The following CPQ variants were observed in gnomAD, a reference collection of about 807,000 sequenced individuals.
The protein encoded by CPQ is carboxypeptidase Q.
In CPQ, 37 loss-of-function variants were observed where a neutral mutation model predicts 45.7. The observed-to-expected ratio is 0.81, with a 90% CI of 0.62 to 1.07. The LOEUF (loss-of-function observed/expected upper bound fraction) is 1.07. CPQ is among the 50% of genes least tolerant of loss of function. CPQ has a pLI of 0.00. For missense variants in CPQ, 537 were observed against 572.9 expected, an observed-to-expected ratio of 0.94 and a Z score of 0.64; for synonymous variants, 186 against 205.8, an observed-to-expected ratio of 0.90 and a Z score of 0.82.
At chr8:96,661,266 C>G (rs1025521521) in intron 1 of CPQ, among the ~76,000 whole-genome samples, 4 of 152,104 alleles carry the variant, frequency 2.6e-5, no homozygotes, top group Non-Finnish European at 5.9e-5. Flanking sequence ...ATCCCATACA[C>G]TACCTGCCCC....
chr8:97,014,574 G>A (rs1390895731), intron 5 of CPQ, among the ~76,000 whole-genome samples: 1 of 150,926 alleles, frequency 6.6e-6, no homozygotes, highest in Non-Finnish European at 1.5e-5. Flanking sequence ...CCCAGGAGTC[G>A]GAGGTTGCAG....
At chr8:96,792,986 C>G (rs999313880) in intron 2 of CPQ, among the ~76,000 whole-genome samples, 14 of 152,094 alleles carry the variant, frequency 9.2e-5, no homozygotes, top group Non-Finnish European at 1.8e-4. Flanking sequence ...ACCATCAGAT[C>G]TTGTGAGAAT....
intron 4 of CPQ, among the ~76,000 whole-genome samples, chr8:96,936,745 GGGGAA>G (rs1354516496): frequency 2.0e-5 from 3 of 152,160 alleles, no homozygotes; most frequent in African/African-American, 7.2e-5. Flanking sequence ...GAATGAGACT[GGGGAA>G]GGGAGTATGG....
intron 4 of CPQ, among the ~76,000 whole-genome samples, chr8:96,882,505 CTGTT>C (rs575930800): frequency 2.2e-4 from 33 of 152,260 alleles, no homozygotes; most frequent in Non-Finnish European, 3.4e-4. Flanking sequence ...AATACTATCG[CTGTT>C]TGGTCGAGCA....
chr8:96,802,767 AC>A (rs1811023473), intron 2 of CPQ, among the ~76,000 whole-genome samples: 1 of 152,174 alleles, frequency 6.6e-6, no homozygotes, highest in African/African-American at 2.4e-5. Context: ...GATGACATCA[AC>A]CCAGTATTTT....
chr8:96,804,544 AG>A (rs781663679), intron 2 of CPQ, among the ~76,000 whole-genome samples: 7 of 151,884 alleles, frequency 4.6e-5, no homozygotes, highest in Non-Finnish European at 7.4e-5. Context: ...AATTCCTAAA[AG>A]TTTTTTTTTT....
At chr8:96,664,655 A>ATAAGAAAGGAGGTGAGGAG in intron 1 of CPQ, among the ~76,000 whole-genome samples, 1 of 152,246 alleles carries the variant, frequency 6.6e-6, no homozygotes, top group East Asian at 1.9e-4. Context: ...CCTTTGAGGA[A>ATAAGAAAGGAGGTGAGGAG]TAAGAAAGGA....
intron 1 of CPQ, among the ~76,000 whole-genome samples, chr8:96,697,940 G>T (rs1051842117): frequency 1.3e-5 from 2 of 151,932 alleles, no homozygotes; most frequent in African/African-American, 4.8e-5. Context: ...AAAGCAATCT[G>T]CAGAATTAAT....
At chr8:96,865,031 A>G (rs1811978026) in intron 3 of CPQ, among the ~76,000 whole-genome samples, 1 of 152,090 alleles carries the variant, frequency 6.6e-6, no homozygotes, top group Non-Finnish European at 1.5e-5. Context: ...TTATGAGAAC[A>G]TGCTTAATAA....
chr8:96,668,563 A>G (rs1344229067), intron 1 of CPQ, among the ~76,000 whole-genome samples: 1 of 152,216 alleles, frequency 6.6e-6, no homozygotes, highest in Non-Finnish European at 1.5e-5. Flanking sequence ...TTGCTTTGTG[A>G]AAATTTTGCA....
rs1241518713 is a variant in CPQ, at chr8:96,699,143, A to C, written c.-35+53741A>C. 2.0e-5 allele frequency among the ~76,000 whole-genome samples: 3 copies of C among 152,350 alleles called. No homozygotes were observed. The East Asian group carries it at 5.8e-4, about 29-fold the overall frequency. ...TGGTACATGTACACAATGGAGTACT[A>C]TTCAACCACAAAAAGAATGAGATCC... On this transcript the variant is annotated intron_variant, in intron 1 of 7. Coordinates refer to ENST00000220763, the MANE Select transcript of CPQ (RefSeq NM_016134.4).
At chr8:96,781,456 C>T (rs531854378) in intron 1 of CPQ, among the ~76,000 whole-genome samples, 30 of 152,168 alleles carry the variant, frequency 2.0e-4, no homozygotes, top group African/African-American at 7.2e-4. Flanking sequence ...TAACCCATTC[C>T]CTCAATAAAG....
Position 96,670,322 on chromosome 8 carries a change from T to A in CPQ, c.-35+24920T>A, listed in dbSNP as rs78052595. Among the ~76,000 whole-genome samples, 144 of 144,534 alleles carry A rather than the reference T, an allele frequency of 1.0e-3. 1 individual carries two copies. Among genetic ancestry groups the A allele is most frequent in the Middle Eastern group, 3.6e-3 (1 of 274 alleles). The allele number at this position is 144,534 out of a possible 152,430, so 94.8% of individuals were successfully genotyped here. ...ATGGAGTGACTCAATTTTTTTTTTT[T>A]TTTTTTTTTTTTTTTGGCTGTACTG... On this transcript the variant is annotated intron_variant, in intron 1 of 7. Coordinates refer to ENST00000220763, the MANE Select transcript of CPQ (RefSeq NM_016134.4).
At chr8:96,685,938 A>G (rs577798910) in intron 1 of CPQ, among the ~76,000 whole-genome samples, 1 of 152,082 alleles carries the variant, frequency 6.6e-6, no homozygotes, top group Admixed American at 6.6e-5. Flanking sequence ...TTCTTGTTAT[A>G]CATTTTTCTA....
intron 3 of CPQ, among the ~76,000 whole-genome samples, chr8:96,844,567 T>C (rs1811658878): frequency 6.6e-6 from 1 of 152,324 alleles, no homozygotes; most frequent in South Asian, 2.1e-4. Context: ...GTTTACCTCA[T>C]AGAGTTGTTG....
intron 5 of CPQ, among the ~76,000 whole-genome samples, chr8:97,015,770 T>C (rs1464493473): frequency 6.6e-6 from 1 of 152,146 alleles, no homozygotes; most frequent in Non-Finnish European, 1.5e-5. Context: ...AATAAAATCC[T>C]TAAATGCCCA....
intron 1 of CPQ, among the ~76,000 whole-genome samples, chr8:96,773,705 G>T (rs949890982): frequency 6.6e-6 from 1 of 152,178 alleles, no homozygotes; most frequent in Non-Finnish European, 1.5e-5. Flanking sequence ...TTTTCTCACA[G>T]TTCTGCAGTC....
chr8:97,075,687 C>A (rs552057571), intron 7 of CPQ, among the ~76,000 whole-genome samples: 24 of 152,112 alleles, frequency 1.6e-4, no homozygotes, highest in African/African-American at 5.8e-4. Context: ...ATTTTTCTCT[C>A]TCTGCTTTAA....
At position 97,063,360 on chromosome 8, in the gene CPQ, T is replaced by C. The variant is rs949055594; in HGVS notation, c.1054-2649T>C. 3.3e-4 allele frequency among the ~76,000 whole-genome samples: 50 copies of C among 152,338 alleles called. No homozygotes were observed. In the Middle Eastern group the frequency reaches 0.014, roughly 41 times the overall value. On this transcript the variant is annotated intron_variant, in intron 6 of 7. Transcript: ENST00000220763. The stretch of plus-strand genomic sequence containing the variant: ...CTTGTAAATTTGTTTAAGTTCCTTA[T>C]AGATGCTGTATATTAGACCTTTGTC...
Sources: allele counts gnomAD v4.1 joint callset (sites outside exome capture counted in the v4.1 genomes callset), GRCh38; gene constraint gnomAD v4.1.1; transcripts MANE v1.5; gene names NCBI Gene and HGNC (gene_info 2026-07-23, HGNC 2026-07-21).